The following ZNF385D variants were observed in gnomAD, a reference collection of about 807,000 sequenced individuals.
ZNF385D encodes the protein zinc finger protein 659.
In ZNF385D, 15 loss-of-function variants were observed where a neutral mutation model predicts 35.8. The ratio of observed to expected loss-of-function variants is 0.42; its 90% CI spans 0.28 to 0.64. The LOEUF (loss-of-function observed/expected upper bound fraction) is 0.64. Among genes scored for constraint, ZNF385D ranks in the 30% least tolerant of loss-of-function variants. The pLI, the probability that ZNF385D is intolerant of heterozygous loss-of-function variation, is 0.23. For synonymous variants in ZNF385D, 212 were observed against 186.8 expected, an observed-to-expected ratio of 1.13 and a Z score of -1.10; for missense variants, 474 against 494.6, an observed-to-expected ratio of 0.96 and a Z score of 0.39.
intron 3 of ZNF385D, among the ~76,000 whole-genome samples, chr3:22,045,637 A>G (rs1242088673): frequency 6.6e-6 from 1 of 152,140 alleles, no homozygotes; most frequent in Non-Finnish European, 1.5e-5. Flanking sequence ...TCTCATTTCT[A>G]GTGCTGAGTA....
At chr3:21,738,259 G>C (rs2069343634) in intron 1 of ZNF385D, among the ~76,000 whole-genome samples, 2 of 152,230 alleles carry the variant, frequency 1.3e-5, no homozygotes, top group African/African-American at 2.4e-5. Flanking sequence ...TTTATTCAAG[G>C]TCACATAGAA....
At chr3:22,362,543 G>A (rs1696461095) in intron 2 of ZNF385D, among the ~76,000 whole-genome samples, 1 of 151,980 alleles carries the variant, frequency 6.6e-6, no homozygotes, top group Non-Finnish European at 1.5e-5. Context: ...CTTTATTTGG[G>A]AGAGAACAAA....
chr3:21,486,645 G>T (rs1444597948), intron 4 of ZNF385D, among the ~76,000 whole-genome samples: 1 of 152,102 alleles, frequency 6.6e-6, no homozygotes, highest in Non-Finnish European at 1.5e-5. Flanking sequence ...AAGTTCAAAT[G>T]TAAAATATAA....
chr3:22,030,392 T>C lies in ZNF385D; in HGVS notation c.325+138425A>G, dbSNP rs757255243. Among the ~76,000 whole-genome samples, 100 of 147,592 alleles carry C rather than the reference T, an allele frequency of 6.8e-4. 1 individual carries two copies. The highest frequency in any genetic ancestry group is 1.2e-3 in the Non-Finnish European group (80 of 67,136). The stretch of plus-strand genomic sequence containing the variant: ...ATGGTTTAAGAGGCCTCAGGAAACT[T>C]ACAATCATGGTGAAAGTCAAGGGAT... On this transcript the variant is annotated intron_variant, in intron 3 of 5. Coordinates refer to the ZNF385D transcript ENST00000494108.
intron 3 of ZNF385D, among the ~76,000 whole-genome samples, chr3:21,756,731 A>C (rs982622996): frequency 2.6e-5 from 4 of 152,198 alleles, no homozygotes; most frequent in Non-Finnish European, 5.9e-5. Flanking sequence ...TTGAATGCAT[A>C]TGTGTTGACA....
chr3:22,219,566 C>G (rs185044137), intron 2 of ZNF385D, among the ~76,000 whole-genome samples: 13 of 152,068 alleles, frequency 8.5e-5, no homozygotes, highest in Non-Finnish European at 1.6e-4. Flanking sequence ...TTAAATAGTA[C>G]TGTAGGTCCC....
At chr3:21,842,604 C>A (rs1260404169) in intron 3 of ZNF385D, among the ~76,000 whole-genome samples, 2 of 151,950 alleles carry the variant, frequency 1.3e-5, no homozygotes, top group African/African-American at 4.8e-5. Flanking sequence ...TGTTTACATA[C>A]TGGTCTGAGG....
At chr3:21,798,250 C>G (rs1400377100) in intron 3 of ZNF385D, among the ~76,000 whole-genome samples, 1 of 152,194 alleles carries the variant, frequency 6.6e-6, no homozygotes, top group South Asian at 2.1e-4. Flanking sequence ...CACAGGTTGT[C>G]TGGTTCTTCG....
At chr3:21,711,124 T>C (rs1333876420) in intron 1 of ZNF385D, among the ~76,000 whole-genome samples, 4 of 137,480 alleles carry the variant, frequency 2.9e-5, no homozygotes, top group Non-Finnish European at 4.6e-5. Context: ...TCACTGCAAC[T>C]TCCGCCTCCC....
chr3:22,214,611 G>A (rs1283906283), intron 2 of ZNF385D, among the ~76,000 whole-genome samples: 1 of 151,948 alleles, frequency 6.6e-6, no homozygotes, highest in African/African-American at 2.4e-5. Context: ...TAAAATGGCC[G>A]CTTCAGGGGG....
At chr3:22,129,372 C>T (rs1226288983) in intron 3 of ZNF385D, among the ~76,000 whole-genome samples, 8 of 152,128 alleles carry the variant, frequency 5.3e-5, no homozygotes, top group East Asian at 1.9e-4. Context: ...CCTCTGTCAG[C>T]GGGTGATGAA....
intron 3 of ZNF385D, among the ~76,000 whole-genome samples, chr3:21,805,520 G>C (rs185402613): frequency 4.6e-5 from 7 of 152,282 alleles, no homozygotes; most frequent in Non-Finnish European, 7.4e-5. Context: ...TTAGGAGAAA[G>C]AACAAAAGAC....
At chr3:22,341,401 T>A (rs754515599) in intron 2 of ZNF385D, among the ~76,000 whole-genome samples, 35 of 152,180 alleles carry the variant, frequency 2.3e-4, no homozygotes, top group Non-Finnish European at 5.0e-4. Context: ...ACAGAGATCA[T>A]AGGGCCCAGA....
intron 2 of ZNF385D, among the ~76,000 whole-genome samples, chr3:21,613,191 G>A (rs2064739425): frequency 2.6e-5 from 4 of 151,846 alleles, no homozygotes; most frequent in Admixed American, 1.3e-4. Flanking sequence ...ATACAGGAAA[G>A]TAACGGTAAA....
At chr3:21,975,097 A>T (rs1703512083) in intron 3 of ZNF385D, among the ~76,000 whole-genome samples, 1 of 152,216 alleles carries the variant, frequency 6.6e-6, no homozygotes, top group South Asian at 2.1e-4. Context: ...AAATCAGTAT[A>T]TTGAAGAGAT....
chr3:22,326,208 C>T (rs1006793277), intron 2 of ZNF385D, among the ~76,000 whole-genome samples: 6 of 152,190 alleles, frequency 3.9e-5, no homozygotes, highest in African/African-American at 1.4e-4. Context: ...AATTACTATA[C>T]CCCTGTCTCA....
At chr3:22,138,002 C>A (rs546975493) in intron 3 of ZNF385D, among the ~76,000 whole-genome samples, 1 of 152,292 alleles carries the variant, frequency 6.6e-6, no homozygotes, top group South Asian at 2.1e-4. Context: ...GTGCAAAAAT[C>A]ATAAGCAATC....
At position 21,717,363 on chromosome 3, in the gene ZNF385D, C is replaced by T. The variant is rs547747781; in HGVS notation, c.22+33532G>A. On this transcript the variant is annotated intron_variant, in intron 1 of 7. Coordinates refer to ENST00000281523, the MANE Select transcript of ZNF385D (RefSeq NM_024697.3). ...TCTGAAACTCTCTTAAATTTTCAAA[C>T]TTACAGACAGTATTTGGAACGCACA... Among the ~76,000 whole-genome samples the T allele has an allele frequency of 2.6e-5, 4 of 152,290 alleles. No individual in the cohort carries two copies. In the East Asian group the frequency reaches 5.8e-4, roughly 22 times the overall value.
Position 22,046,586 on chromosome 3 carries a change from A to T in ZNF385D, c.325+122231T>A, listed in dbSNP as rs1174077089. Among the ~76,000 whole-genome samples the T allele has an allele frequency of 1.1e-4, 16 of 152,050 alleles. 1 individual carries two copies. Among genetic ancestry groups the T allele is most frequent in the Admixed American group, 1.0e-3 (16 of 15,250 alleles). On this transcript the variant is annotated intron_variant, in intron 3 of 5. Coordinates refer to the ZNF385D transcript ENST00000494108. ...CTTCCACTAATATTAATGAAGCATC[A>T]TTTTTTTCCTTTCATCTTCATTCAT...
Sources: gnomAD v4.1 joint callset for allele counts (sites outside exome capture counted in the v4.1 genomes callset) on GRCh38, gnomAD v4.1.1 for gene constraint, MANE v1.5 for transcripts, NCBI Gene and HGNC (gene_info 2026-07-23, HGNC 2026-07-21) for gene names.